Variants in ADAM18 observed in about 807,000 individuals in gnomAD.
ADAM18 encodes disintegrin and metalloproteinase domain-containing protein 18.
A neutral mutation model predicts 94.4 loss-of-function variants in ADAM18; 117 were observed. The ratio of observed to expected loss-of-function variants is 1.24; its 90% confidence interval spans 1.07 to 1.45. ADAM18 has a LOEUF of 1.45. ADAM18 is among the 40% of genes most tolerant of loss of function. ADAM18 has a pLI of 0.00. For synonymous variants in ADAM18, 327 were observed against 291.6 expected (o/e 1.12, Z -1.24); for missense variants, 936 against 880.0 (o/e 1.06, Z -0.81).
At position 39,645,294 on chromosome 8, in the gene ADAM18, A is replaced by G. The variant is rs149004345; in HGVS notation, c.910-44A>G. On this transcript the variant is annotated intron_variant, in intron 10 of 19. Coordinates refer to ENST00000265707, the MANE Select transcript of ADAM18 (RefSeq NM_014237.3). ...AAAAATATTTCAAGTTATTACTTTT[A>G]TTTTCACACATAATAATTTTCTTTT... 1,705 of 1,509,214 alleles carry G rather than the reference A, an allele frequency of 1.1e-3. 14 individuals are homozygous for G. In the African/African-American group the frequency reaches 0.021, roughly 18 times the overall value. 93.5% of individuals were successfully genotyped at this position (1,509,214 alleles called of 1,614,324 possible).
intron 14 of ADAM18, among the ~76,000 whole-genome samples, chr8:39,671,699 C>G (rs1028029374): frequency 6.6e-6 from 1 of 152,164 alleles, no homozygotes; most frequent in African/African-American, 2.4e-5. Flanking sequence ...GATTCCTCCC[C>G]CGTCCCTCTT....
At chr8:39,634,929 T>C (rs1370147916) in intron 7 of ADAM18, among the ~76,000 whole-genome samples, 1 of 152,148 alleles carries the variant, frequency 6.6e-6, no homozygotes, top group African/African-American at 2.4e-5. Context: ...GGTGGAATGT[T>C]AGGGTTTGAA....
chr8:39,725,136 GA>G (rs1822866995), intron 19 of ADAM18, among the ~76,000 whole-genome samples: 1 of 151,928 alleles, frequency 6.6e-6, no homozygotes, highest in African/African-American at 2.4e-5. Flanking sequence ...TATCCTTGCT[GA>G]TTTTTTGTCT....
chr8:39,620,369 A>C (rs1180465948), intron 6 of ADAM18, among the ~76,000 whole-genome samples: 1 of 111,422 alleles, frequency 9.0e-6, no homozygotes, highest in Admixed American at 9.1e-5. Context: ...AAAAAAAAAA[A>C]AAAAACAAAA....
intron 18 of ADAM18, among the ~76,000 whole-genome samples, chr8:39,709,344 C>G (rs915878872): frequency 6.6e-6 from 1 of 152,158 alleles, no homozygotes; most frequent in Non-Finnish European, 1.5e-5. Flanking sequence ...TAGTCCCTGA[C>G]GTCCAGCTGC....
In ADAM18 at chr8:39,644,552, C is replaced by T. The variant is rs577344120; in HGVS notation, c.910-786C>T. 2.2e-3 allele frequency among the ~76,000 whole-genome samples: 330 copies of T among 152,194 alleles called. 7 individuals are homozygous for T. Among genetic ancestry groups the T allele is most frequent in the Non-Finnish European group, 3.5e-4 (24 of 67,998 alleles). On this transcript the variant is annotated intron_variant, in intron 10 of 19. Coordinates refer to ENST00000265707, the MANE Select transcript of ADAM18 (RefSeq NM_014237.3). Reference sequence around the variant, plus strand: ...GTCCTACTGCCTTGGCTTCTCAAAACGCTGGGATTAGAGGCCTAAGCCACT... The same window carrying T: ...GTCCTACTGCCTTGGCTTCTCAAAATGCTGGGATTAGAGGCCTAAGCCACT...
At position 39,584,679 on chromosome 8, in the gene ADAM18, T is replaced by G; in HGVS notation, c.55+2T>G. 6.2e-7 allele frequency: 1 copy of G among 1,613,006 alleles called. No individual in the cohort carries two copies. The highest frequency in any genetic ancestry group is 8.5e-7 in the Non-Finnish European group (1 of 1,180,002). ...TTGGAAGACTGCAAGCCCACGAAGG[T>G]AAGTCCATGGGAGCCTCCCCTTTCT... On this transcript the variant is annotated splice_donor_variant, in intron 1 of 19. Transcript: ENST00000265707. LOFTEE classifies it high-confidence loss of function.
rs970440652 is a variant in ADAM18, at chr8:39,715,187, C to T, written c.2017+8283C>T. ...GTAACAAAAAGAGAACTGTAAAGCC[C>T]TAAAATACTTGGAGATTAAGCAACA... On this transcript the variant is annotated intron_variant, in intron 18 of 19. Transcript: ENST00000265707. Among the ~76,000 whole-genome samples, 4 of 151,974 alleles carry T rather than the reference C, an allele frequency of 2.6e-5. No homozygotes were observed. The East Asian group carries it at 7.7e-4, about 29-fold the overall frequency.
intron 10 of ADAM18, among the ~76,000 whole-genome samples, chr8:39,644,733 T>C (rs1820331016): frequency 6.6e-6 from 1 of 152,198 alleles, no homozygotes; most frequent in Admixed American, 6.6e-5. Context: ...CCATACTTTG[T>C]ATCTCAGCCT....
At chr8:39,723,673 G>T (rs544873032) in intron 18 of ADAM18, 75 bp from the exon 19 acceptor site, 258 of 1,111,894 alleles carry the variant, frequency 2.3e-4, no homozygotes, top group South Asian at 6.7e-4. Context: ...ACACGTATAT[G>T]ATTAAGTGAA....
intron 14 of ADAM18, among the ~76,000 whole-genome samples, chr8:39,669,048 A>G (rs1344760331): frequency 6.6e-6 from 1 of 151,928 alleles, no homozygotes; most frequent in Non-Finnish European, 1.5e-5. Flanking sequence ...CTAGAATGCT[A>G]CTTTTTATGT....
At chr8:39,692,407 TTTG>T (rs1242612194) in intron 16 of ADAM18, among the ~76,000 whole-genome samples, 190 bp from the exon 17 acceptor site, 1 of 151,752 alleles carries the variant, frequency 6.6e-6, no homozygotes, top group Non-Finnish European at 1.5e-5. Context: ...TTGCAATTAC[TTTG>T]TTGTTTAGAT....
chr8:39,603,630 T>C (rs1312977594), intron 2 of ADAM18, among the ~76,000 whole-genome samples: 1 of 152,350 alleles, frequency 6.6e-6, no homozygotes, highest in South Asian at 2.1e-4. Flanking sequence ...CTTGCTTTAT[T>C]GCAATGGTTT....
In ADAM18 at chr8:39,605,675, AT is replaced by A. The variant is rs546038453; in HGVS notation, c.133-625del. The A allele has an allele frequency of 4.6e-5, 10 of 218,852 alleles. No individual in the cohort carries two copies. The South Asian group carries it at 4.7e-4, about 10-fold the overall frequency. The allele number at this position is 218,852 out of a possible 1,614,324, so 13.6% of individuals were successfully genotyped here. On this transcript the variant is annotated intron_variant, in intron 2 of 19. Coordinates refer to ENST00000265707, the MANE Select transcript of ADAM18 (RefSeq NM_014237.3). ...TAATGCTAAAATGCTAAATATATATATTTTTTTAAAAATGTACTTTTCATTT... is the reference window on the plus strand; with the variant it reads ...TAATGCTAAAATGCTAAATATATATATTTTTTAAAAATGTACTTTTCATTT...
At chr8:39,713,271 C>T (rs1822470521) in intron 18 of ADAM18, among the ~76,000 whole-genome samples, 1 of 152,146 alleles carries the variant, frequency 6.6e-6, no homozygotes, top group South Asian at 2.1e-4. Flanking sequence ...CTTCCTTACA[C>T]CTTACACAAA....
At chr8:39,664,077 C>T (rs986194061) in intron 13 of ADAM18, among the ~76,000 whole-genome samples, 187 bp downstream of exon 13, 14 of 152,194 alleles carry the variant, frequency 9.2e-5, no homozygotes, top group African/African-American at 3.1e-4. Flanking sequence ...CAGACAGGTA[C>T]GGTTGCAGTT....
chr8:39,585,906 A>G (rs2129457874), intron 2 of ADAM18, among the ~76,000 whole-genome samples: 1 of 152,342 alleles, frequency 6.6e-6, no homozygotes, highest in East Asian at 1.9e-4. Context: ...TTAAAAACTG[A>G]TTAAACTGAA....
intron 6 of ADAM18, among the ~76,000 whole-genome samples, chr8:39,625,320 G>A (rs550819213): frequency 6.6e-6 from 1 of 151,994 alleles, no homozygotes; most frequent in Non-Finnish European, 1.5e-5. Flanking sequence ...TTGAGATCTC[G>A]ATTTGATTCT....
At chr8:39,668,660 G>T (rs530599667) in intron 14 of ADAM18, among the ~76,000 whole-genome samples, 2 of 152,140 alleles carry the variant, frequency 1.3e-5, no homozygotes, top group South Asian at 4.1e-4. Context: ...TTTATGTTTT[G>T]TTTTTCAAAC....
Sources: allele counts gnomAD v4.1 joint callset (sites outside exome capture counted in the v4.1 genomes callset), GRCh38; gene constraint gnomAD v4.1.1; transcripts MANE v1.5; gene names NCBI Gene and HGNC (gene_info 2026-07-23, HGNC 2026-07-21).